The following CTDSPL variants were observed in gnomAD, a reference collection of about 807,000 sequenced individuals.
CTDSPL encodes CTD small phosphatase like.
A neutral mutation model predicts 30.5 loss-of-function variants in CTDSPL; 8 were observed. That is an observed-to-expected ratio of 0.26 (90% confidence interval 0.15 to 0.47). The LOEUF is 0.47. Ranked by LOEUF, CTDSPL falls within the 20% of genes least tolerant of loss-of-function variation. The pLI is 0.99. For synonymous variants in CTDSPL, 110 were observed against 137.9 expected, an observed-to-expected ratio of 0.80 and a Z score of 1.42; for missense variants, 248 against 366.1, an observed-to-expected ratio of 0.68 and a Z score of 2.63.
intron 1 of CTDSPL, among the ~76,000 whole-genome samples, chr3:37,864,648 A>G (rs568893668): frequency 1.3e-5 from 2 of 152,318 alleles, no homozygotes; most frequent in South Asian, 4.1e-4. Flanking sequence ...CTTCAGATTT[A>G]TAAACCAGTA....
intron 1 of CTDSPL, among the ~76,000 whole-genome samples, chr3:37,869,930 C>G (rs1698054025): frequency 6.6e-6 from 1 of 152,096 alleles, no homozygotes; most frequent in Admixed American, 6.6e-5. Context: ...GAATATTGAA[C>G]CAGACTTGCG....
At chr3:37,958,486 G>A (rs1371306244) in intron 3 of CTDSPL, among the ~76,000 whole-genome samples, 1 of 152,122 alleles carries the variant, frequency 6.6e-6, no homozygotes, top group Non-Finnish European at 1.5e-5. Context: ...ATGGCAGGTA[G>A]CATCTCTCCT....
intron 5 of CTDSPL, 60 bp downstream of exon 5, chr3:37,967,942 A>G (rs189924721): frequency 1.8e-6 from 2 of 1,122,790 alleles, no homozygotes; most frequent in East Asian, 2.4e-5. Flanking sequence ...TACATTTCCT[A>G]TGAACTTTAT....
intron 1 of CTDSPL, among the ~76,000 whole-genome samples, chr3:37,886,188 A>G (rs1290436933): frequency 6.6e-6 from 1 of 152,140 alleles, no homozygotes; most frequent in Non-Finnish European, 1.5e-5. Flanking sequence ...TTCCTCAGTC[A>G]CTTTTCTTAT....
chr3:37,918,700 G>C (rs533492188), intron 1 of CTDSPL, among the ~76,000 whole-genome samples: 23 of 152,238 alleles, frequency 1.5e-4, no homozygotes, highest in Admixed American at 2.0e-4. Flanking sequence ...TTCTTTAATT[G>C]TGGTAGAGTT....
intron 6 of CTDSPL, among the ~76,000 whole-genome samples, chr3:37,974,926 G>A (rs1699408622): frequency 6.6e-6 from 1 of 152,222 alleles, no homozygotes; most frequent in Non-Finnish European, 1.5e-5. Context: ...AGATACTCTG[G>A]GAGGTGCTAG....
intron 7 of CTDSPL, among the ~76,000 whole-genome samples, chr3:37,979,636 T>C (rs541949747): frequency 1.3e-5 from 2 of 152,214 alleles, no homozygotes; most frequent in African/African-American, 4.8e-5. Flanking sequence ...TGGTGCCACA[T>C]GCCTATAGTC....
At chr3:37,927,634 A>G (rs867054684) in intron 1 of CTDSPL, among the ~76,000 whole-genome samples, 1 of 78,388 alleles carries the variant, frequency 1.3e-5, no homozygotes, top group African/African-American at 5.2e-5. Flanking sequence ...AAAGAAAAAT[A>G]TATGTGTGTG....
intron 5 of CTDSPL, among the ~76,000 whole-genome samples, chr3:37,970,413 A>G (rs1699353288): frequency 1.3e-5 from 2 of 152,346 alleles, no homozygotes; most frequent in South Asian, 2.1e-4. Context: ...CATCTTTGCA[A>G]CTACATCAGG....
chr3:37,973,619 G>A (rs1699392826), intron 6 of CTDSPL, among the ~76,000 whole-genome samples: 1 of 152,240 alleles, frequency 6.6e-6, no homozygotes, highest in Admixed American at 6.5e-5. Flanking sequence ...AGCAGTAGTG[G>A]TGCAGTGGAC....
At chr3:37,962,847 G>T (rs1699258512) in intron 3 of CTDSPL, among the ~76,000 whole-genome samples, 1 of 152,144 alleles carries the variant, frequency 6.6e-6, no homozygotes, top group Non-Finnish European at 1.5e-5. Flanking sequence ...TTAAATAGTT[G>T]TGTAATAAAA....
At chr3:37,918,238 C>A (rs1331962149) in intron 1 of CTDSPL, among the ~76,000 whole-genome samples, 1 of 151,864 alleles carries the variant, frequency 6.6e-6, no homozygotes. Flanking sequence ...CACTTCATTT[C>A]TCTGCAACTT....
At position 37,975,754 on chromosome 3, in the gene CTDSPL, C is replaced by T. The variant is rs760492304; in HGVS notation, c.565C>T (p.Arg189Trp). Residue 189 changes from arginine (R) to tryptophan (W), a missense_variant, in exon 7 of 8, where the codon CGG (arginine) becomes TGG (tryptophan). By Grantham distance (101) the Arg-to-Trp change is moderately radical. Transcript: ENST00000273179. This position sits in a 1 kb window ranked among gnomAD's most constrained non-coding sequence, Gnocchi z 4.9. Reference protein sequence around the residue: ...ADLLDRWGVFRARLFRESCVF... With the variant: ...ADLLDRWGVFWARLFRESCVF... ...CCTCCTAGACCGCTGGGGTGTGTTCCGGGCCCGGCTCTTCAGAGAATCATG... is the reference window on the plus strand; with the variant it reads ...CCTCCTAGACCGCTGGGGTGTGTTCTGGGCCCGGCTCTTCAGAGAATCATG... 2.5e-6 allele frequency: 4 copies of T among 1,614,028 alleles called. No individual in the cohort carries two copies. Among genetic ancestry groups the T allele is most frequent in the South Asian group, 2.2e-5 (2 of 91,060 alleles).
chr3:37,953,533 C>G (rs1275237878), intron 2 of CTDSPL, among the ~76,000 whole-genome samples: 1 of 152,074 alleles, frequency 6.6e-6, no homozygotes, highest in African/African-American at 2.4e-5. Context: ...GTGACAGTTT[C>G]TGACATAACA....
chr3:37,862,425 C>A lies in CTDSPL; in HGVS notation c.79+147C>A, dbSNP rs962433186. On this transcript the variant is annotated intron_variant, in intron 1 of 7. Transcript: ENST00000273179. The surrounding 1 kb of genome is among the most constrained non-coding windows in gnomAD (Gnocchi z 4.3). ...GGTGTGGGGTGCGCCCGGAGGAGAG[C>A]GAGGCTGCCAGAGTGCGTGTGCCGA... 1.1e-5 allele frequency: 6 copies of A among 551,998 alleles called. No individual in the cohort carries two copies. The highest frequency in any genetic ancestry group is 6.1e-5 in the African/African-American group (3 of 48,914). The allele number at this position is 551,998 out of a possible 1,614,324, so 34.2% of individuals were successfully genotyped here. A position where few individuals can be genotyped will look rare whatever the true frequency, so the allele number is the denominator to read the frequency against.
In CTDSPL at chr3:37,983,191, G is replaced by A. The variant is rs191920665; in HGVS notation, c.*2324G>A. On this transcript the variant is annotated 3_prime_UTR_variant, in exon 8 of 8. Coordinates refer to ENST00000273179, the MANE Select transcript of CTDSPL (RefSeq NM_001008392.2). ...TCTGGAGAGGGCCAGCAGGCCCTCT[G>A]AGGGTTCTGGAATCTGTGCACCTTA... 6.6e-6 allele frequency: 1 copy of A among 152,546 alleles called. No homozygotes were observed. The highest frequency in any genetic ancestry group is 6.5e-5 in the Admixed American group (1 of 15,318). 9.4% of individuals were successfully genotyped at this position (152,546 alleles called of 1,614,324 possible).
At chr3:37,905,124 G>C (rs778368574) in intron 1 of CTDSPL, among the ~76,000 whole-genome samples, 37 of 152,186 alleles carry the variant, frequency 2.4e-4, no homozygotes, top group Non-Finnish European at 1.0e-4. Flanking sequence ...AAAGTAAAAA[G>C]CTGAGCAAAA....
chr3:37,886,409 C>A (rs1004515765), intron 1 of CTDSPL, among the ~76,000 whole-genome samples: 8 of 152,182 alleles, frequency 5.3e-5, no homozygotes, highest in African/African-American at 1.9e-4. Context: ...CCAGTCCCAT[C>A]CAGATTATGC....
chr3:37,947,044 T>C lies in CTDSPL; in HGVS notation c.80-13T>C. The C allele has an allele frequency of 6.2e-7, 1 of 1,611,350 alleles. No homozygotes were observed. The highest frequency in any genetic ancestry group is 1.7e-4 in the Middle Eastern group (1 of 5,940). ...CTGCAGTTGGCCATAGTGTGCTCTG[T>C]TTCTGTTTCCAGCCTCCCAGTGCAA... is the stretch of plus-strand genomic sequence containing the variant. On this transcript the variant is annotated splice_polypyrimidine_tract_variant and intron_variant, in intron 1 of 7. Coordinates refer to ENST00000273179, the MANE Select transcript of CTDSPL (RefSeq NM_001008392.2).
Sources: allele counts gnomAD v4.1 joint callset (sites outside exome capture counted in the v4.1 genomes callset), GRCh38; gene constraint gnomAD v4.1.1; non-coding constraint Gnocchi (gnomAD v3.1); transcripts MANE v1.5; gene names NCBI Gene and HGNC (gene_info 2026-07-23, HGNC 2026-07-21).